CUL5: variants seen among roughly 807,000 people sequenced by gnomAD.
CUL5 encodes cullin 5, also known as cullin-5.
Under a neutral mutation model 108.8 loss-of-function variants are expected in CUL5, and 26 were observed. That is an observed-to-expected ratio of 0.24 (90% CI 0.18 to 0.33). The LOEUF (loss-of-function observed/expected upper bound fraction) is 0.33. CUL5 is among the 10% of genes least tolerant of loss of function. The pLI is 1.00. For synonymous variants in CUL5, 334 were observed against 298.0 expected (o/e 1.12, Z -1.25); for missense variants, 524 against 909.2 (o/e 0.58, Z 5.45).
intron 1 of CUL5, among the ~76,000 whole-genome samples, chr11:108,020,008 G>A (rs1402372039): frequency 6.6e-6 from 1 of 152,092 alleles, no homozygotes; most frequent in East Asian, 1.9e-4. Flanking sequence ...CTAACAGTGA[G>A]AACTCACTCA....
intron 1 of CUL5, among the ~76,000 whole-genome samples, chr11:108,010,690 A>G (rs1303177658): frequency 2.6e-5 from 4 of 152,254 alleles, no homozygotes; most frequent in Admixed American, 2.6e-4. Flanking sequence ...ATAAATTACT[A>G]TAACTACTCC....
At chr11:108,017,035 G>T (rs1475732233) in intron 1 of CUL5, among the ~76,000 whole-genome samples, 1 of 152,128 alleles carries the variant, frequency 6.6e-6, no homozygotes, top group African/African-American at 2.4e-5. Flanking sequence ...TAATTGATCT[G>T]TGTAGCTGTG....
intron 7 of CUL5, 62 bp from the exon 8 acceptor site, chr11:108,070,034 G>T: frequency 9.9e-7 from 1 of 1,011,362 alleles, no homozygotes; most frequent in Non-Finnish European, 1.5e-6. Context: ...TATTTTGTGA[G>T]TTAGAATAGA....
At chr11:108,040,331 G>T (rs1260490913) in intron 2 of CUL5, among the ~76,000 whole-genome samples, 1 of 152,116 alleles carries the variant, frequency 6.6e-6, no homozygotes, top group African/African-American at 2.4e-5. Flanking sequence ...ATTAGCCAAG[G>T]CTGGGTGTGG....
At chr11:108,050,208 G>C (rs1273767716) in intron 4 of CUL5, 142 bp downstream of exon 4, 1 of 601,504 alleles carries the variant, frequency 1.7e-6, no homozygotes, top group African/African-American at 1.9e-5. Flanking sequence ...AGATTTTATT[G>C]AATAATATTC....
intron 2 of CUL5, among the ~76,000 whole-genome samples, chr11:108,041,008 A>C (rs986113762): frequency 1.3e-5 from 2 of 152,212 alleles, no homozygotes; most frequent in African/African-American, 4.8e-5. Flanking sequence ...ACATATATGC[A>C]AAAGTGATTT....
rs188607773 is a variant in CUL5 at position 108,026,479 on chromosome 11, C to T, written c.25-7323C>T. Reference sequence around the variant, plus strand: ...AAAATATGAACTTCTCAGAGTCGTACGACATCTATCCTTGTACCAGCACCT... The same window carrying T: ...AAAATATGAACTTCTCAGAGTCGTATGACATCTATCCTTGTACCAGCACCT... On this transcript the variant is annotated intron_variant, in intron 1 of 18. Transcript: ENST00000393094. Among the ~76,000 whole-genome samples the T allele has an allele frequency of 1.2e-4, 18 of 152,242 alleles. No individual in the cohort carries two copies. The South Asian group carries it at 2.1e-3, about 18-fold the overall frequency.
rs1309405500 is a variant in CUL5, at chr11:108,073,458, T to C, written c.1074T>C (p.Ala358=). 1.3e-6 allele frequency: 2 copies of C among 1,593,810 alleles called. No individual in the cohort carries two copies. The highest frequency in any genetic ancestry group is 1.7e-6 in the Non-Finnish European group (2 of 1,167,386). Reference sequence around the variant, plus strand: ...GATTTAGTAAACTCGTCAAAGAAGCTTTTCAAGATGATCCACGATTTCTTA... The same window carrying C: ...GATTTAGTAAACTCGTCAAAGAAGCCTTTCAAGATGATCCACGATTTCTTA... The part of the protein sequence containing the change: ...FNRFSKLVKE[A]FQDDPRFLTA... The change falls in exon 10 of 19, where the codon GCT becomes GCC. Residue 358 remains alanine (A), a synonymous_variant. Transcript: ENST00000393094.
At chr11:108,097,104 A>G (rs547238415) in intron 16 of CUL5, among the ~76,000 whole-genome samples, 2 of 152,088 alleles carry the variant, frequency 1.3e-5, no homozygotes, top group South Asian at 4.2e-4. Context: ...TGCAACCTCC[A>G]TCTCCCAGGT....
chr11:108,027,628 C>T (rs756297575), intron 1 of CUL5, among the ~76,000 whole-genome samples: 5 of 152,028 alleles, frequency 3.3e-5, no homozygotes, highest in African/African-American at 1.2e-4. Context: ...AGGCTGGTCT[C>T]GAACTCCTGG....
Position 108,106,177 on chromosome 11 carries a change from T to C in CUL5, c.*1793T>C, listed in dbSNP as rs962601833. The C allele has an allele frequency of 7.2e-5, 11 of 152,734 alleles. No homozygotes were observed. In the South Asian group the frequency reaches 8.3e-4, roughly 11 times the overall value. The allele number at this position is 152,734 out of a possible 1,614,324, so 9.5% of individuals were successfully genotyped here. On this transcript the variant is annotated 3_prime_UTR_variant, in exon 19 of 19. Transcript: ENST00000393094. Reference sequence around the variant, plus strand: ...ATTTGGAATTTAGAAGAAATAATTTTGTAGTAATTGTGGCCCTTATGTTTA... The same window carrying C: ...ATTTGGAATTTAGAAGAAATAATTTCGTAGTAATTGTGGCCCTTATGTTTA...
chr11:108,084,367 GA>G (rs1354970212), intron 11 of CUL5, among the ~76,000 whole-genome samples: 2 of 152,250 alleles, frequency 1.3e-5, no homozygotes, highest in African/African-American at 4.8e-5. Context: ...CAGCAGCTGA[GA>G]ATGTAGTTTT....
intron 7 of CUL5, among the ~76,000 whole-genome samples, chr11:108,056,129 GTTTTC>G (rs1484821896): frequency 6.6e-6 from 1 of 152,118 alleles, no homozygotes; most frequent in Non-Finnish European, 1.5e-5. Context: ...CATGGTAGGT[GTTTTC>G]TTTTACGTGG....
chr11:108,022,591 CA>C (rs1252672108), intron 1 of CUL5, among the ~76,000 whole-genome samples: 3 of 152,110 alleles, frequency 2.0e-5, no homozygotes, highest in African/African-American at 7.2e-5. Context: ...CACTTACCCC[CA>C]GCCCAAACAC....
chr11:108,031,945 C>T (rs1340141711), intron 1 of CUL5, among the ~76,000 whole-genome samples: 1 of 152,102 alleles, frequency 6.6e-6, no homozygotes, highest in Non-Finnish European at 1.5e-5. Flanking sequence ...TGCATGTTCT[C>T]ACTTATAAGT....
chr11:108,099,495 G>A (rs1864590630), intron 18 of CUL5, among the ~76,000 whole-genome samples: 1 of 152,156 alleles, frequency 6.6e-6, no homozygotes, highest in African/African-American at 2.4e-5. Flanking sequence ...GTACTGTGTA[G>A]GAGCTGTATG....
chr11:108,042,877 C>T (rs1862966501), intron 2 of CUL5, among the ~76,000 whole-genome samples: 1 of 147,802 alleles, frequency 6.8e-6, no homozygotes, highest in African/African-American at 2.4e-5. Context: ...ATTCCCTTGC[C>T]TTAGCCTCTT....
chr11:108,105,071 T>G lies in CUL5; in HGVS notation c.*687T>G, dbSNP rs1479551821. The G allele has an allele frequency of 6.6e-6, 1 of 152,342 alleles. No homozygotes were observed. Among genetic ancestry groups the G allele is most frequent in the African/African-American group, 2.4e-5 (1 of 41,428 alleles). 9.4% of individuals were successfully genotyped at this position (152,342 alleles called of 1,614,324 possible). On this transcript the variant is annotated 3_prime_UTR_variant, in exon 19 of 19. Transcript: ENST00000393094. ...AGTTGTTGTTAAATGATGAGGAGTT[T>G]TTTTTTTTTTAAATATGGCTGGAAA...
chr11:108,093,350 A>G (rs1864404032), intron 13 of CUL5, among the ~76,000 whole-genome samples: 1 of 152,066 alleles, frequency 6.6e-6, no homozygotes, highest in Admixed American at 6.6e-5. Flanking sequence ...TTTTGCCAGG[A>G]TCACTTCTTC....
Sources: allele counts gnomAD v4.1 joint callset (sites outside exome capture counted in the v4.1 genomes callset), GRCh38; gene constraint gnomAD v4.1.1; transcripts MANE v1.5; gene names NCBI Gene and HGNC (gene_info 2026-07-23, HGNC 2026-07-21).